Variants in KLHL42 observed in about 807,000 individuals in gnomAD.
KLHL42 encodes the protein kelch-like protein 42.
Under a neutral mutation model 32.7 loss-of-function variants are expected in KLHL42, and 27 were observed. The ratio of observed to expected loss-of-function variants is 0.83; its 90% CI spans 0.61 to 1.14. The LOEUF (loss-of-function observed/expected upper bound fraction) is 1.14, where lower values mean the gene tolerates loss of function less well. Ranked by LOEUF, KLHL42 falls within the 50% of genes most tolerant of loss-of-function variation. KLHL42 has a pLI of 0.00. For synonymous variants in KLHL42, 267 were observed against 248.2 expected, an observed-to-expected ratio of 1.08 and a Z score of -0.71; for missense variants, 491 against 560.8, an observed-to-expected ratio of 0.88 and a Z score of 1.26.
intron 2 of KLHL42, among the ~76,000 whole-genome samples, chr12:27,792,463 A>T (rs1327390192): frequency 6.6e-6 from 1 of 152,230 alleles, no homozygotes. Context: ...GGACATGAAT[A>T]CAAGAGAGCT....
At chr12:27,796,817 T>A (rs967999114) in intron 2 of KLHL42, among the ~76,000 whole-genome samples, 2 of 151,940 alleles carry the variant, frequency 1.3e-5, no homozygotes, top group Non-Finnish European at 2.9e-5. Flanking sequence ...TTATTTTTTT[T>A]AGAGACAGGA....
intron 1 of KLHL42, among the ~76,000 whole-genome samples, chr12:27,783,108 A>G (rs1051036649): frequency 6.6e-6 from 1 of 152,210 alleles, no homozygotes; most frequent in Non-Finnish European, 1.5e-5. Flanking sequence ...CTTACCAATA[A>G]CATAATCAAT....
At position 27,781,032 on chromosome 12, in the gene KLHL42, C is replaced by A. The variant is rs756248836; in HGVS notation, c.702C>A (p.Asn234Lys). ...CTGAGCGTTGGTTCCCGCTGGCCAACAACCTTCCTCCCGACCTGGTCAATG... is the reference window on the plus strand; with the variant it reads ...CTGAGCGTTGGTTCCCGCTGGCCAAAAACCTTCCTCCCGACCTGGTCAATG... ...EMTERWFPLANNLPPDLVNVR... is the reference protein window; with the variant it reads ...EMTERWFPLAKNLPPDLVNVR... The change falls in exon 1 of 3, where the codon AAC becomes AAA. Residue 234 changes from asparagine (N) to lysine (K), a missense_variant. Transcript: ENST00000381271. The A allele has an allele frequency of 2.1e-5, 34 of 1,613,122 alleles. No homozygotes were observed. The highest frequency in any genetic ancestry group is 2.8e-5 in the Non-Finnish European group (33 of 1,179,350).
intron 2 of KLHL42, 103 bp from the exon 3 acceptor site, chr12:27,797,612 C>T (rs2062224821): frequency 1.5e-6 from 1 of 654,400 alleles, no homozygotes. Context: ...AGAGTTTTTT[C>T]TCTTTGTTAC....
At position 27,786,238 on chromosome 12, in the gene KLHL42, A is replaced by T. The variant is rs1409243189; in HGVS notation, c.872+5036A>T. Among the ~76,000 whole-genome samples the T allele has an allele frequency of 2.6e-5, 4 of 152,352 alleles. No homozygotes were observed. In the East Asian group the frequency reaches 7.7e-4, roughly 29 times the overall value. ...GCACATTTCCCCCCTTCTTTAAAAA[A>T]AATTATTTCCTTCTAAAAAATAGAG... On this transcript the variant is annotated intron_variant, in intron 1 of 2. Coordinates refer to ENST00000381271, the MANE Select transcript of KLHL42 (RefSeq NM_020782.2).
intron 1 of KLHL42, among the ~76,000 whole-genome samples, chr12:27,784,762 ATAT>A (rs2062164518): frequency 6.6e-6 from 1 of 152,240 alleles, no homozygotes; most frequent in South Asian, 2.1e-4. Context: ...CCAAGATAGA[ATAT>A]TATCATCTTT....
chr12:27,795,611 C>G (rs886565469), intron 2 of KLHL42, among the ~76,000 whole-genome samples: 2 of 140,750 alleles, frequency 1.4e-5, no homozygotes, highest in Non-Finnish European at 3.1e-5. Flanking sequence ...TCAGATAAGT[C>G]ATCATGATTG....
chr12:27,784,133 GTT>G lies in KLHL42; in HGVS notation c.872+2935_872+2936del, dbSNP rs1243511767. ...CAAAGTGTATGTGTTTTTTTTTTTT[GTT>G]TTTGTTTTTTTTTTTTGGGGACGGA... is the stretch of plus-strand genomic sequence containing the variant. On this transcript the variant is annotated intron_variant, in intron 1 of 2. Transcript: ENST00000381271. 1.7e-4 allele frequency among the ~76,000 whole-genome samples: 23 copies of G among 137,904 alleles called. No individual in the cohort carries two copies. In the East Asian group the frequency reaches 2.7e-3, roughly 16 times the overall value. 90.5% of individuals were successfully genotyped at this position (137,904 alleles called of 152,430 possible). A position where few individuals can be genotyped will look rare whatever the true frequency, so the allele number is the denominator to read the frequency against.
At chr12:27,783,796 G>T (rs1368367770) in intron 1 of KLHL42, among the ~76,000 whole-genome samples, 1 of 152,064 alleles carries the variant, frequency 6.6e-6, no homozygotes. Context: ...GTGTTAGACA[G>T]GATGGTCTCG....
intron 1 of KLHL42, among the ~76,000 whole-genome samples, chr12:27,781,675 A>G (rs1419293928): frequency 6.6e-6 from 1 of 152,164 alleles, no homozygotes; most frequent in Non-Finnish European, 1.5e-5. Context: ...GATACCCATC[A>G]TGATCAAGAG....
chr12:27,800,521 A>G lies in KLHL42; in HGVS notation c.*2355A>G. Reference sequence around the variant, plus strand: ...CATCGTCCTTCCTGCTGTGCACATCAGCTGTGATGACATTTTGAGGGTAGT... The same window carrying G: ...CATCGTCCTTCCTGCTGTGCACATCGGCTGTGATGACATTTTGAGGGTAGT... On this transcript the variant is annotated 3_prime_UTR_variant, in exon 3 of 3. Transcript: ENST00000381271. 1 of 283,190 alleles carries G rather than the reference A, an allele frequency of 3.5e-6. No homozygotes were observed. The highest frequency in any genetic ancestry group is 5.3e-6 in the Non-Finnish European group (1 of 188,004). 17.5% of individuals were successfully genotyped at this position (283,190 alleles called of 1,614,324 possible).
At position 27,785,876 on chromosome 12, in the gene KLHL42, T is replaced by G. The variant is rs117955919; in HGVS notation, c.872+4674T>G. Among the ~76,000 whole-genome samples the G allele has an allele frequency of 4.8e-3, 729 of 152,368 alleles. 4 individuals are homozygous for G. The highest frequency in any genetic ancestry group is 8.4e-3 in the Non-Finnish European group (574 of 68,036). Reference sequence around the variant, plus strand: ...TTAATGTATAATTTTATATTTCGCTTTATTTGTAACACTATAGTGAACATT... The same window carrying G: ...TTAATGTATAATTTTATATTTCGCTGTATTTGTAACACTATAGTGAACATT... On this transcript the variant is annotated intron_variant, in intron 1 of 2. Coordinates refer to ENST00000381271, the MANE Select transcript of KLHL42 (RefSeq NM_020782.2).
In KLHL42 at chr12:27,801,903, A is replaced by G. The variant is rs76980062; in HGVS notation, c.*3737A>G. On this transcript the variant is annotated 3_prime_UTR_variant, in exon 3 of 3. Coordinates refer to ENST00000381271, the MANE Select transcript of KLHL42 (RefSeq NM_020782.2). ...TACAGACATAAATAAGTCACGGCCCATGACCTTGAAGAGCTTACGGCCTTA... is the reference window on the plus strand; with the variant it reads ...TACAGACATAAATAAGTCACGGCCCGTGACCTTGAAGAGCTTACGGCCTTA... 6.6e-6 allele frequency: 1 copy of G among 152,216 alleles called. No homozygotes were observed. Among genetic ancestry groups the G allele is most frequent in the Admixed American group, 6.5e-5 (1 of 15,278 alleles). The allele number at this position is 152,216 out of a possible 1,614,324, so 9.4% of individuals were successfully genotyped here. A position where few individuals can be genotyped will look rare whatever the true frequency, so the allele number is the denominator to read the frequency against.
At chr12:27,791,029 C>T (rs750265296) in intron 1 of KLHL42, among the ~76,000 whole-genome samples, 8 of 152,186 alleles carry the variant, frequency 5.3e-5, no homozygotes, top group Non-Finnish European at 1.0e-4. Flanking sequence ...CCACTGCAGT[C>T]TAGCCTGGGT....
At chr12:27,797,659 A>G in intron 2 of KLHL42, 56 bp from the exon 3 acceptor site, 1 of 668,234 alleles carries the variant, frequency 1.5e-6, no homozygotes, top group South Asian at 1.7e-5. Context: ...TTCTGTACAG[A>G]CTTGCCTAGT....
chr12:27,783,730 C>T (rs1453149907), intron 1 of KLHL42, among the ~76,000 whole-genome samples: 1 of 152,086 alleles, frequency 6.6e-6, no homozygotes, highest in Non-Finnish European at 1.5e-5. Context: ...TACAGGCGCC[C>T]GCTACCACAC....
In KLHL42 at chr12:27,780,842, C is replaced by T; in HGVS notation, c.512C>T (p.Ser171Phe). 1 of 1,613,908 alleles carries T rather than the reference C, an allele frequency of 6.2e-7. No individual in the cohort carries two copies. The highest frequency in any genetic ancestry group is 1.6e-4 in the Middle Eastern group (1 of 6,062). The stretch of plus-strand genomic sequence containing the variant: ...AAGCCCCAGTTCCACCTCCTGGGGT[C>T]TCCTCCCCAAGCTCCAGGGGATGTC... ...LCKPQFHLLG[S>F]PPQAPGDVSL... Residue 171 changes from serine to phenylalanine, a missense_variant, in exon 1 of 3, where the codon TCT becomes TTT. This residue lies in a region of KLHL42 where 248 missense variants were observed against 329.2 expected (regional missense o/e 0.75). Coordinates refer to ENST00000381271, the MANE Select transcript of KLHL42 (RefSeq NM_020782.2). The surrounding 1 kb of genome is among the most constrained non-coding windows in gnomAD (Gnocchi z 8.8).
At chr12:27,794,716 A>G (rs1398972415) in intron 2 of KLHL42, among the ~76,000 whole-genome samples, 1 of 151,996 alleles carries the variant, frequency 6.6e-6, no homozygotes, top group African/African-American at 2.4e-5. Context: ...GGAATTTGAC[A>G]TATCTTGTTA....
Position 27,787,789 on chromosome 12 carries a change from C to G in KLHL42, c.873-3919C>G, listed in dbSNP as rs529525514. ...TCAGCCTTAGCGTTTGCTGAGCTGT[C>G]CCTTCTCCTCTCAGCCAATGTTTAC... is the stretch of plus-strand genomic sequence containing the variant. On this transcript the variant is annotated intron_variant, in intron 1 of 2. Transcript: ENST00000381271. 4.6e-5 allele frequency: 7 copies of G among 152,144 alleles called. No individual in the cohort carries two copies. The East Asian group carries it at 1.4e-3, about 29-fold the overall frequency. 9.4% of individuals were successfully genotyped at this position (152,144 alleles called of 1,614,324 possible). A position where few individuals can be genotyped will look rare whatever the true frequency, so the allele number is the denominator to read the frequency against.
Sources: gnomAD v4.1 joint callset for allele counts (sites outside exome capture counted in the v4.1 genomes callset) on GRCh38, gnomAD v4.1.1 for gene constraint, gnomAD v4.1.1 regional missense constraint, Gnocchi (gnomAD v3.1) non-coding constraint, MANE v1.5 for transcripts, NCBI Gene and HGNC (gene_info 2026-07-23, HGNC 2026-07-21) for gene names.